The following CCSER2 variants were observed in gnomAD, a reference collection of about 807,000 sequenced individuals.
CCSER2 encodes coiled-coil serine rich protein 2.
A neutral mutation model predicts 92.3 loss-of-function variants in CCSER2; 46 were observed. The ratio of observed to expected loss-of-function variants is 0.50; its 90% CI spans 0.39 to 0.64. The LOEUF is 0.64. Among genes scored for constraint, CCSER2 ranks in the 30% least tolerant of loss-of-function variants. The pLI is 0.00. For missense variants in CCSER2, 1,244 were observed against 1,238.9 expected (o/e 1.00, Z -0.06); for synonymous variants, 433 against 431.4 (o/e 1.00, Z -0.04).
intron 6 of CCSER2, among the ~76,000 whole-genome samples, chr10:84,441,447 C>A: frequency 6.6e-6 from 1 of 151,928 alleles, no homozygotes; most frequent in African/African-American, 2.4e-5. Context: ...TTCTTTGGTT[C>A]CCTGTATTCT....
chr10:84,494,202 G>T (rs1183024148), intron 9 of CCSER2, among the ~76,000 whole-genome samples: 2 of 152,196 alleles, frequency 1.3e-5, no homozygotes, highest in Admixed American at 1.3e-4. Flanking sequence ...CCCAGGGGTT[G>T]GAGACCCATG....
intron 1 of CCSER2, among the ~76,000 whole-genome samples, chr10:84,369,151 T>C (rs1423529661): frequency 6.6e-6 from 1 of 152,092 alleles, no homozygotes; most frequent in Non-Finnish European, 1.5e-5. Context: ...CAGGTTTTTT[T>C]TTTTTTTGAT....
Position 84,438,561 on chromosome 10 carries a change from G to A in CCSER2, c.1918G>A (p.Gly640Arg). Reference protein sequence around the residue: ...SPLGHFESYGGMPFFQAQKMF... With the variant: ...SPLGHFESYGRMPFFQAQKMF... Reference sequence around the variant, plus strand: ...TTTGGGTCATTTTGAAAGCTATGGAGGGATGCCCTTTTTCCAGGCTCAGAA... The same window carrying A: ...TTTGGGTCATTTTGAAAGCTATGGAAGGATGCCCTTTTTCCAGGCTCAGAA... Residue 640 changes from glycine (G) to arginine (R), a missense_variant, in exon 6 of 10, where the codon GGG becomes AGG. Physicochemically the swap from Gly to Arg is moderately radical, Grantham distance 125. Coordinates refer to ENST00000372088, the MANE Select transcript of CCSER2 (RefSeq NM_001284240.2). 6.2e-7 allele frequency: 1 copy of A among 1,613,680 alleles called. No individual in the cohort carries two copies. Among genetic ancestry groups the A allele is most frequent in the African/African-American group, 1.3e-5 (1 of 75,028 alleles).
At chr10:84,455,276 T>G in intron 6 of CCSER2, 1 of 104,514 alleles carries the variant, frequency 9.6e-6, no homozygotes, top group African/African-American at 4.4e-5. Flanking sequence ...TTTTTCTTTT[T>G]CTTTTTCTTT....
chr10:84,330,817 A>G (rs1398217578), intron 1 of CCSER2, among the ~76,000 whole-genome samples: 1 of 152,184 alleles, frequency 6.6e-6, no homozygotes, highest in African/African-American at 2.4e-5. Context: ...TTATGTTAAA[A>G]AAAATCCATT....
chr10:84,378,725 G>A (rs1444378911), intron 3 of CCSER2, among the ~76,000 whole-genome samples: 3 of 152,052 alleles, frequency 2.0e-5, no homozygotes, highest in Non-Finnish European at 2.9e-5. Context: ...ATGTGCCACC[G>A]CGCCCGGCCT....
chr10:84,394,385 A>ATGTGTGTG (rs60891669), intron 3 of CCSER2, among the ~76,000 whole-genome samples: 21,530 of 132,422 alleles, frequency 0.16, 2,003 homozygotes, highest in Non-Finnish European at 0.21. Flanking sequence ...AAAGGAAAGT[A>ATGTGTGTG]TGTGTGTGTG....
At chr10:84,336,139 G>A (rs1224571829) in intron 1 of CCSER2, among the ~76,000 whole-genome samples, 1 of 151,974 alleles carries the variant, frequency 6.6e-6, no homozygotes, top group Non-Finnish European at 1.5e-5. Context: ...CCATTGTTGT[G>A]GCCTTTCTTG....
chr10:84,392,244 C>T lies in CCSER2; in HGVS notation c.1614+18429C>T, dbSNP rs140389799. ...ACTGTATTAGGTTGATGTTGGGAAA[C>T]GTTTTAACATGTGGAGCCTTTGTGG... On this transcript the variant is annotated intron_variant, in intron 3 of 9. Coordinates refer to ENST00000372088, the MANE Select transcript of CCSER2 (RefSeq NM_001284240.2). Among the ~76,000 whole-genome samples, 922 of 141,578 alleles carry T rather than the reference C, an allele frequency of 6.5e-3. 7 individuals carry two copies. The highest frequency in any genetic ancestry group is 0.022 in the African/African-American group (843 of 38,510). The allele number at this position is 141,578 out of a possible 152,430, so 92.9% of individuals were successfully genotyped here. A position where few individuals can be genotyped will look rare whatever the true frequency, so the allele number is the denominator to read the frequency against.
chr10:84,508,653 C>A (rs891237525), intron 9 of CCSER2, among the ~76,000 whole-genome samples: 1 of 152,138 alleles, frequency 6.6e-6, no homozygotes, highest in Non-Finnish European at 1.5e-5. Context: ...AGTTAAAGAT[C>A]CTTGACTTCT....
intron 3 of CCSER2, among the ~76,000 whole-genome samples, chr10:84,381,185 A>G (rs546286921): frequency 2.6e-5 from 4 of 152,236 alleles, no homozygotes; most frequent in Non-Finnish European, 4.4e-5. Flanking sequence ...GAGGTCATAT[A>G]TATAAAGTAC....
intron 1 of CCSER2, among the ~76,000 whole-genome samples, chr10:84,330,419 C>G (rs1327857236): frequency 1.3e-5 from 2 of 152,170 alleles, no homozygotes; most frequent in Non-Finnish European, 2.9e-5. Flanking sequence ...CATTTCATCC[C>G]TCTTGTCTTA....
At chr10:84,450,770 A>C (rs1845230509) in intron 6 of CCSER2, among the ~76,000 whole-genome samples, 1 of 152,224 alleles carries the variant, frequency 6.6e-6, no homozygotes. Flanking sequence ...TTAAAGTAGT[A>C]ATCAAGATAG....
chr10:84,330,680 T>C (rs1226550648), intron 1 of CCSER2, among the ~76,000 whole-genome samples: 1 of 151,416 alleles, frequency 6.6e-6, no homozygotes, highest in African/African-American at 2.4e-5. Flanking sequence ...ACCTGGCTAA[T>C]TTTTTTTTAG....
At chr10:84,355,627 C>T (rs999160381) in intron 1 of CCSER2, among the ~76,000 whole-genome samples, 9 of 152,158 alleles carry the variant, frequency 5.9e-5, no homozygotes, top group Non-Finnish European at 1.2e-4. Context: ...TTATCCACAA[C>T]CTCTATCTTA....
rs763999991 is a variant in CCSER2, at chr10:84,513,744, C to T, written c.2621C>T (p.Ala874Val). The T allele has an allele frequency of 4.6e-6, 7 of 1,537,380 alleles. No individual in the cohort carries two copies. Among genetic ancestry groups the T allele is most frequent in the Non-Finnish European group, 6.1e-6 (7 of 1,146,972 alleles). The change falls in exon 10 of 10, where the codon GCA (alanine) becomes GTA (valine). Residue 874 changes from alanine to valine, a missense_variant. Coordinates refer to ENST00000372088, the MANE Select transcript of CCSER2 (RefSeq NM_001284240.2). ...TVNAQEPYHLANNQISDMQFI... is the reference protein window; with the variant it reads ...TVNAQEPYHLVNNQISDMQFI... ...AATGCTCAAGAGCCTTATCATTTGG[C>T]AAACAATCAAATTAGTGACATGCAG...
At chr10:84,447,456 A>G (rs558037357) in intron 6 of CCSER2, among the ~76,000 whole-genome samples, 1 of 152,160 alleles carries the variant, frequency 6.6e-6, no homozygotes, top group African/African-American at 2.4e-5. Flanking sequence ...TTTGTTAGTT[A>G]TATGTGTTGC....
intron 7 of CCSER2, among the ~76,000 whole-genome samples, chr10:84,469,217 T>C (rs1453624412): frequency 6.6e-6 from 1 of 152,186 alleles, no homozygotes; most frequent in East Asian, 1.9e-4. Flanking sequence ...CTATATTTGC[T>C]ACATAACTTA....
At chr10:84,336,970 G>T (rs1242529845) in intron 1 of CCSER2, among the ~76,000 whole-genome samples, 1 of 152,178 alleles carries the variant, frequency 6.6e-6, no homozygotes, top group Non-Finnish European at 1.5e-5. Context: ...TGGACAAATG[G>T]AGTTAACATT....
Sources: gnomAD v4.1 joint callset for allele counts (sites outside exome capture counted in the v4.1 genomes callset) on GRCh38, gnomAD v4.1.1 for gene constraint, MANE v1.5 for transcripts, NCBI Gene and HGNC (gene_info 2026-07-23, HGNC 2026-07-21) for gene names.